BRDT: variants seen among roughly 807,000 people sequenced by gnomAD.
The protein encoded by BRDT is bromodomain testis-specific protein.
BRDT carries 77 observed loss-of-function variants against 113.9 expected under a neutral mutation model. That is an observed-to-expected ratio of 0.68 (90% CI 0.56 to 0.82). The LOEUF (loss-of-function observed/expected upper bound fraction) is 0.82. Ranked by LOEUF, BRDT falls within the 40% of genes least tolerant of loss-of-function variation. The probability of loss-of-function intolerance (pLI) is 0.00; values close to 1 mark genes in which losing one functional copy is unlikely to be tolerated. For synonymous variants in BRDT, 358 were observed against 366.5 expected (o/e 0.98, Z 0.26); for missense variants, 1,027 against 1,105.4 (o/e 0.93, Z 1.01).
chr1:91,996,200 A>G (rs1053773531), intron 15 of BRDT, among the ~76,000 whole-genome samples: 4 of 152,174 alleles, frequency 2.6e-5, no homozygotes, highest in African/African-American at 9.7e-5. Context: ...TTTGTGTACA[A>G]CAAGGAGCTT....
chr1:92,006,866 C>T (rs1351894641), intron 18 of BRDT, among the ~76,000 whole-genome samples: 2 of 152,022 alleles, frequency 1.3e-5, no homozygotes, highest in Non-Finnish European at 2.9e-5. Flanking sequence ...TGGCTCACTG[C>T]GACCTCTGCC....
At chr1:91,980,551 G>A in intron 8 of BRDT, 92 bp from the exon 9 acceptor site, 3 of 1,092,754 alleles carry the variant, frequency 2.7e-6, no homozygotes, top group Non-Finnish European at 3.7e-6. Flanking sequence ...TTTCACAAAA[G>A]ACATTCTTGA....
intron 2 of BRDT, 25 bp downstream of exon 2, chr1:91,962,971 G>T (rs755813321): frequency 6.8e-7 from 1 of 1,476,066 alleles, no homozygotes; most frequent in South Asian, 1.4e-5. Flanking sequence ...AACTATGTTA[G>T]TTTCAAAAAA....
At chr1:91,995,640 GTT>G (rs779911992) in intron 15 of BRDT, among the ~76,000 whole-genome samples, 1 of 136,208 alleles carries the variant, frequency 7.3e-6, no homozygotes, top group Non-Finnish European at 1.6e-5. Context: ...TTTTTTTGTA[GTT>G]TTTTTTTTTT....
rs1247537029 is a variant in BRDT, at chr1:91,979,477, A to G, written c.1099-92A>G. ...AGGAAAAAAGAATTCTGGTCAAAATATGACACTGAAATGTACTTTTTGTTA... is the reference window on the plus strand; with the variant it reads ...AGGAAAAAAGAATTCTGGTCAAAATGTGACACTGAAATGTACTTTTTGTTA... On this transcript the variant is annotated intron_variant, in intron 7 of 18. Coordinates refer to ENST00000399546, the MANE Select transcript of BRDT (RefSeq NM_207189.4). 6 of 1,233,758 alleles carry G rather than the reference A, an allele frequency of 4.9e-6. No individual in the cohort carries two copies. In the East Asian group the frequency reaches 7.1e-5, roughly 15 times the overall value. The allele number at this position is 1,233,758 out of a possible 1,614,324, so 76.4% of individuals were successfully genotyped here.
At chr1:91,983,947 G>A (rs1684965181) in intron 12 of BRDT, among the ~76,000 whole-genome samples, 1 of 152,150 alleles carries the variant, frequency 6.6e-6, no homozygotes, top group Admixed American at 6.5e-5. Flanking sequence ...CTCCCAAAGT[G>A]GCGTGAGCCA....
At chr1:91,987,668 G>GTTTTTTGT (rs1553193168) in intron 12 of BRDT, among the ~76,000 whole-genome samples, 14 of 151,024 alleles carry the variant, frequency 9.3e-5, no homozygotes, top group South Asian at 2.1e-4. Flanking sequence ...TTTGTTTTTT[G>GTTTTTTGT]TTTTTTTAAA....
intron 18 of BRDT, among the ~76,000 whole-genome samples, chr1:92,010,356 C>G (rs12126680): frequency 6.7e-6 from 1 of 149,980 alleles, no homozygotes; most frequent in Non-Finnish European, 1.5e-5. Context: ...ACTGCAACCT[C>G]TGCCTCCTCC....
At chr1:91,968,611 TAAAAA>T (rs372318650) in intron 4 of BRDT, among the ~76,000 whole-genome samples, 361 of 151,896 alleles carry the variant, frequency 2.4e-3, no homozygotes, top group African/African-American at 8.2e-3. Flanking sequence ...CTCTCTGTAT[TAAAAA>T]AAAATTTCCA....
intron 13 of BRDT, 34 bp downstream of exon 13, chr1:91,991,279 A>G (rs1006332794): frequency 1.4e-5 from 19 of 1,325,474 alleles, no homozygotes; most frequent in Admixed American, 2.0e-5. Flanking sequence ...CTGAATTTTA[A>G]AAGTATGTAT....
At position 91,977,281 on chromosome 1, in the gene BRDT, A is replaced by G. The variant is rs767661381; in HGVS notation, c.857A>G (p.Lys286Arg). The G allele has an allele frequency of 2.7e-5, 43 of 1,614,000 alleles. No homozygotes were observed. The Admixed American group carries it at 7.0e-4, about 26-fold the overall frequency. The change falls in exon 6 of 19, where the codon AAG becomes AGG. Residue 286 changes from lysine (K) to arginine (R), a missense_variant. Physicochemically the swap from Lys to Arg is conservative, Grantham distance 26 (BLOSUM62 2). Transcript: ENST00000399546. ...CSEILKEMLA[K>R]KHFSYAWPFY... ...GAGATTCTTAAAGAAATGCTTGCAA[A>G]GAAACATTTTTCATATGCATGGCCC...
At chr1:91,989,407 C>T (rs1685569017) in intron 12 of BRDT, among the ~76,000 whole-genome samples, 1 of 152,158 alleles carries the variant, frequency 6.6e-6, no homozygotes, top group Admixed American at 6.5e-5. Flanking sequence ...GTCACCCAGA[C>T]TGGAGTGCAG....
At chr1:91,952,070 C>G (rs1430724084) in intron 1 of BRDT, 1 of 152,148 alleles carries the variant, frequency 6.6e-6, no homozygotes, top group African/African-American at 2.4e-5. Flanking sequence ...AATTCTAACT[C>G]AATGCTTTGG....
intron 1 of BRDT, among the ~76,000 whole-genome samples, chr1:91,955,065 C>T (rs1186745818): frequency 6.6e-6 from 1 of 152,116 alleles, no homozygotes; most frequent in African/African-American, 2.4e-5. Context: ...CTTAAGGTGG[C>T]ATATTGGAAT....
At chr1:91,969,455 T>C (rs1266042706) in intron 4 of BRDT, among the ~76,000 whole-genome samples, 1 of 152,086 alleles carries the variant, frequency 6.6e-6, no homozygotes, top group African/African-American at 2.4e-5. Context: ...ATTCACATAT[T>C]CACTGATTAT....
intron 7 of BRDT, 45 bp from the exon 8 acceptor site, chr1:91,979,524 A>G: frequency 6.5e-7 from 1 of 1,549,040 alleles, no homozygotes; most frequent in Non-Finnish European, 8.8e-7. Context: ...TGCTGGATTA[A>G]ATAAAAAATA....
At position 91,979,660 on chromosome 1, in the gene BRDT, C is replaced by G; in HGVS notation, c.1190C>G (p.Thr397Ser). Residue 397 changes from threonine (T) to serine (S), a missense_variant, in exon 8 of 19, where the codon ACT becomes AGT. Coordinates refer to ENST00000399546, the MANE Select transcript of BRDT (RefSeq NM_207189.4). ...CYIKTDITET[T>S]GRENTNEASS... ...ATCAAAACAGATATCACAGAAACCA[C>G]TGGTAGAGAGAACACTAATGAAGCC... is the stretch of plus-strand genomic sequence containing the variant. 4 of 1,614,066 alleles carry G rather than the reference C, an allele frequency of 2.5e-6. No homozygotes were observed.
At chr1:91,959,239 A>G (rs1459928931) in intron 1 of BRDT, among the ~76,000 whole-genome samples, 2 of 152,086 alleles carry the variant, frequency 1.3e-5, no homozygotes, top group East Asian at 3.9e-4. Context: ...AAAAATGGTC[A>G]CAGCTTGGTC....
At chr1:91,999,238 G>A (rs1481713217) in intron 15 of BRDT, among the ~76,000 whole-genome samples, 1 of 152,156 alleles carries the variant, frequency 6.6e-6, no homozygotes, top group Non-Finnish European at 1.5e-5. Context: ...ATAACCCAGG[G>A]ATATAAGCTT....
Sources: allele counts gnomAD v4.1 joint callset (sites outside exome capture counted in the v4.1 genomes callset), GRCh38; gene constraint gnomAD v4.1.1; transcripts MANE v1.5; gene names NCBI Gene and HGNC (gene_info 2026-07-23, HGNC 2026-07-21).